The following C9 variants were observed in gnomAD, a reference collection of about 807,000 sequenced individuals.
C9 encodes the protein complement C9, also known as complement component C9.
A neutral mutation model predicts 65.4 loss-of-function variants in C9; 63 were observed. That is an observed-to-expected ratio of 0.96 (90% CI 0.79 to 1.19). The LOEUF (loss-of-function observed/expected upper bound fraction) is 1.19, where lower values mean the gene tolerates loss of function less well. Ranked by LOEUF, C9 falls within the 50% of genes most tolerant of loss-of-function variation. The probability of loss-of-function intolerance (pLI) is 0.00; values close to 1 mark genes in which losing one functional copy is unlikely to be tolerated. For missense variants in C9, 744 were observed against 670.1 expected, an observed-to-expected ratio of 1.11 and a Z score of -1.22; for synonymous variants, 229 against 227.9, an observed-to-expected ratio of 1.00 and a Z score of -0.04.
intron 4 of C9, among the ~76,000 whole-genome samples, chr5:39,337,839 A>G (rs546831122): frequency 5.3e-5 from 8 of 152,362 alleles, no homozygotes; most frequent in African/African-American, 1.9e-4. Context: ...GAGGCCTTCA[A>G]ATGAAAACAG....
At chr5:39,328,731 G>A (rs1753793080) in intron 5 of C9, among the ~76,000 whole-genome samples, 1 of 152,208 alleles carries the variant, frequency 6.6e-6, no homozygotes, top group Admixed American at 6.5e-5. Flanking sequence ...GGGCATAAAT[G>A]AGGGTGAGAG....
At chr5:39,337,663 C>T (rs1042683935) in intron 4 of C9, among the ~76,000 whole-genome samples, 2 of 152,238 alleles carry the variant, frequency 1.3e-5, no homozygotes, top group Non-Finnish European at 2.9e-5. Flanking sequence ...AAAAATAATT[C>T]CTTGCATATC....
chr5:39,332,286 T>C (rs1753858295), intron 4 of C9, among the ~76,000 whole-genome samples: 2 of 152,312 alleles, frequency 1.3e-5, no homozygotes, highest in African/African-American at 2.4e-5. Flanking sequence ...CCCATTCTCT[T>C]TAAACTTAAG....
chr5:39,313,844 T>C (rs937932103), intron 6 of C9, among the ~76,000 whole-genome samples: 2 of 152,174 alleles, frequency 1.3e-5, no homozygotes, highest in African/African-American at 4.8e-5. Context: ...GCATTGTCAA[T>C]TGGATGTCTA....
intron 1 of C9, among the ~76,000 whole-genome samples, chr5:39,343,606 T>C (rs931631108): frequency 6.6e-6 from 1 of 152,218 alleles, no homozygotes; most frequent in Non-Finnish European, 1.5e-5. Context: ...GGGTAGGGCA[T>C]AGCCAAATAA....
At chr5:39,293,211 C>T (rs1753127582) in intron 9 of C9, among the ~76,000 whole-genome samples, 1 of 151,926 alleles carries the variant, frequency 6.6e-6, no homozygotes, top group South Asian at 2.1e-4. Context: ...CCTCACCTAT[C>T]AATAATAACC....
chr5:39,309,172 A>T (rs1473337040), intron 7 of C9, among the ~76,000 whole-genome samples: 1 of 152,144 alleles, frequency 6.6e-6, no homozygotes, highest in African/African-American at 2.4e-5. Flanking sequence ...TCATAAAAAA[A>T]ATAATTATTC....
chr5:39,362,154 G>A (rs1489461405), intron 1 of C9, among the ~76,000 whole-genome samples: 1 of 152,076 alleles, frequency 6.6e-6, no homozygotes, highest in Non-Finnish European at 1.5e-5. Flanking sequence ...AACCCTGAAA[G>A]GTATGTTGAA....
chr5:39,329,157 G>A (rs567893158), intron 5 of C9, among the ~76,000 whole-genome samples: 1 of 152,044 alleles, frequency 6.6e-6, no homozygotes, highest in Non-Finnish European at 1.5e-5. Flanking sequence ...AGTTATAAAC[G>A]CAATCATCAC....
intron 8 of C9, 66 bp downstream of exon 8, chr5:39,308,164 G>A (rs1175767628): frequency 1.4e-6 from 2 of 1,391,264 alleles, no homozygotes; most frequent in Admixed American, 3.4e-5. Flanking sequence ...CTCATTGCAA[G>A]AGGGCAGTGC....
At chr5:39,303,238 A>T (rs900101120) in intron 9 of C9, among the ~76,000 whole-genome samples, 1 of 152,136 alleles carries the variant, frequency 6.6e-6, no homozygotes, top group African/African-American at 2.4e-5. Flanking sequence ...CATTCAGGCA[A>T]GTTGGCAATA....
chr5:39,334,730 C>T (rs1373763142), intron 4 of C9, among the ~76,000 whole-genome samples: 2 of 150,944 alleles, frequency 1.3e-5, no homozygotes, highest in African/African-American at 4.9e-5. Context: ...GCCACCCCGT[C>T]CGGGAGGTGA....
chr5:39,317,784 C>A (rs1295433363), intron 5 of C9, among the ~76,000 whole-genome samples: 1 of 152,118 alleles, frequency 6.6e-6, no homozygotes, highest in African/African-American at 2.4e-5. Flanking sequence ...TGTGACACCT[C>A]CAGCTCTGTT....
intron 5 of C9, among the ~76,000 whole-genome samples, chr5:39,321,754 A>C (rs974255112): frequency 2.6e-5 from 4 of 152,112 alleles, no homozygotes; most frequent in Admixed American, 1.3e-4. Context: ...AACTGCAAGA[A>C]GGGACAAAGA....
At chr5:39,345,868 A>G (rs928429003) in intron 1 of C9, among the ~76,000 whole-genome samples, 1 of 152,212 alleles carries the variant, frequency 6.6e-6, no homozygotes, top group Non-Finnish European at 1.5e-5. Flanking sequence ...TAAGAAGCTC[A>G]TTCAAAACCA....
intron 9 of C9, among the ~76,000 whole-genome samples, chr5:39,302,962 C>T (rs1310447374): frequency 6.6e-6 from 1 of 152,048 alleles, no homozygotes; most frequent in African/African-American, 2.4e-5. Flanking sequence ...TACATAACAA[C>T]CTTTTAGTAA....
At chr5:39,335,420 C>T (rs962778748) in intron 4 of C9, among the ~76,000 whole-genome samples, 1 of 152,208 alleles carries the variant, frequency 6.6e-6, no homozygotes, top group Non-Finnish European at 1.5e-5. Context: ...CCCTCCATAT[C>T]TGTGGGCTCT....
intron 9 of C9, among the ~76,000 whole-genome samples, chr5:39,295,364 G>T (rs1753166160): frequency 6.6e-6 from 1 of 151,614 alleles, no homozygotes; most frequent in East Asian, 1.9e-4. Flanking sequence ...TAAATCTGCA[G>T]AATATAAAAT....
chr5:39,336,760 G>T (rs1753973610), intron 4 of C9, among the ~76,000 whole-genome samples: 1 of 152,038 alleles, frequency 6.6e-6, no homozygotes. Context: ...AAGAATAAAA[G>T]AAATTTTATT....
Sources: allele counts gnomAD v4.1 joint callset (sites outside exome capture counted in the v4.1 genomes callset), GRCh38; gene constraint gnomAD v4.1.1; transcripts MANE v1.5; gene names NCBI Gene and HGNC (gene_info 2026-07-23, HGNC 2026-07-21).